TTC21B: variants seen among roughly 807,000 people sequenced by gnomAD.
The protein encoded by TTC21B is tetratricopeptide repeat protein 21B.
Under a neutral mutation model 175.1 loss-of-function variants are expected in TTC21B, and 127 were observed. That is an observed-to-expected ratio of 0.73 (90% CI 0.63 to 0.84). The LOEUF (loss-of-function observed/expected upper bound fraction) is 0.84. Ranked by LOEUF, TTC21B falls within the 40% of genes least tolerant of loss-of-function variation. TTC21B has a pLI of 0.00. For synonymous variants in TTC21B, 524 were observed against 524.5 expected, an observed-to-expected ratio of 1.00 and a Z score of 0.01; for missense variants, 1,561 against 1,558.3, an observed-to-expected ratio of 1.00 and a Z score of -0.03.
chr2:165,909,156 A>C (rs545632356), intron 18 of TTC21B, among the ~76,000 whole-genome samples: 2 of 152,290 alleles, frequency 1.3e-5, no homozygotes, highest in East Asian at 1.9e-4. Flanking sequence ...TATAAAATAA[A>C]GGAGCCAGTT....
intron 26 of TTC21B, among the ~76,000 whole-genome samples, chr2:165,881,918 A>G (rs1195316701): frequency 1.3e-5 from 2 of 152,166 alleles, no homozygotes; most frequent in Admixed American, 6.6e-5. Flanking sequence ...AAATCTCACC[A>G]GTAATATTTT....
At position 165,919,379 on chromosome 2, in the gene TTC21B, G is replaced by C. The variant is rs145436538; in HGVS notation, c.1571C>G (p.Ser524Cys). The C allele has an allele frequency of 6.2e-4, 1,000 of 1,614,088 alleles. 6 individuals are homozygous for C. In the African/African-American group the frequency reaches 0.012, roughly 19 times the overall value. Residue 524 changes from serine to cysteine, a missense_variant, in exon 13 of 29, where the codon TCT (serine) becomes TGT (cysteine). Transcript: ENST00000243344. ...TAGCAGCAGATGAGCATCAGCATAA[G>C]AGGGATTGTGTTCTAAGCAGTGCTG... ...NLQHCLEHNP[S>C]YADAHLLLAQ...
intron 11 of TTC21B, among the ~76,000 whole-genome samples, chr2:165,926,351 G>T (rs541476191): frequency 2.0e-5 from 3 of 152,208 alleles, no homozygotes; most frequent in African/African-American, 7.2e-5. Context: ...AAGCCTTTTG[G>T]TGACTCCCCA....
intron 2 of TTC21B, 24 bp downstream of exon 2, chr2:165,949,571 A>C (rs1253184774): frequency 6.2e-7 from 1 of 1,613,820 alleles, no homozygotes. Flanking sequence ...AACTGATGGA[A>C]CATGTTTAAT....
rs1686679176 is a variant in TTC21B at position 165,927,119 on chromosome 2, GA to G, written c.1386+2015del. Among the ~76,000 whole-genome samples the G allele has an allele frequency of 2.2e-3, 21 of 9,522 alleles. 2 individuals are homozygous for G. Among genetic ancestry groups the G allele is most frequent in the Admixed American group, 0.021 (20 of 970 alleles). The allele number at this position is 9,522 out of a possible 152,430, so 6.2% of individuals were successfully genotyped here. The stretch of plus-strand genomic sequence containing the variant: ...ATATATATATATATATATCCTAGTA[GA>G]TATATATATATATATATCCTAGTAG... On this transcript the variant is annotated intron_variant, in intron 11 of 28. Coordinates refer to ENST00000243344, the MANE Select transcript of TTC21B (RefSeq NM_024753.5).
chr2:165,888,414 A>G lies in TTC21B; in HGVS notation c.3324T>C (p.Leu1108=), dbSNP rs1284736114. Residue 1108 remains leucine (L), a synonymous_variant, in exon 25 of 29, where the codon CTT becomes CTC. Transcript: ENST00000243344. ...QLAVRTAEKL[L]KELKPQTVQG... The stretch of plus-strand genomic sequence containing the variant: ...GAACAGTCTGAGGTTTTAGTTCCTT[A>G]AGAAGTTTTTCTGCTGTTCTTACTG... 3 of 1,613,908 alleles carry G rather than the reference A, an allele frequency of 1.9e-6. No individual in the cohort carries two copies. In the Admixed American group the frequency reaches 5.0e-5, roughly 27 times the overall value.
intron 4 of TTC21B, among the ~76,000 whole-genome samples, chr2:165,944,036 C>T (rs1559075465): frequency 6.6e-6 from 1 of 151,936 alleles, no homozygotes; most frequent in African/African-American, 2.4e-5. Context: ...ATTTATAAAC[C>T]TTTAACTAAG....
rs79477451 is a variant in TTC21B, at chr2:165,904,623, T to A, written c.2569-2713A>T. 2.6e-5 allele frequency among the ~76,000 whole-genome samples: 4 copies of A among 152,326 alleles called. No homozygotes were observed. The East Asian group carries it at 7.7e-4, about 29-fold the overall frequency. On this transcript the variant is annotated intron_variant, in intron 19 of 28. Coordinates refer to ENST00000243344, the MANE Select transcript of TTC21B (RefSeq NM_024753.5). ...AAGGGTTAGGACTGAGGCATCTGCATTCCACTTCAAACTCTTCTAGTAACC... is the reference window on the plus strand; with the variant it reads ...AAGGGTTAGGACTGAGGCATCTGCAATCCACTTCAAACTCTTCTAGTAACC...
intron 26 of TTC21B, among the ~76,000 whole-genome samples, chr2:165,882,291 A>C (rs1392078880): frequency 2.0e-5 from 3 of 152,204 alleles, no homozygotes; most frequent in African/African-American, 7.2e-5. Flanking sequence ...CCAATTCTGT[A>C]CAGAAAAGGC....
chr2:165,906,556 A>G (rs1685741214), intron 19 of TTC21B, among the ~76,000 whole-genome samples: 1 of 152,168 alleles, frequency 6.6e-6, no homozygotes, highest in South Asian at 2.1e-4. Context: ...CCAAATTGAT[A>G]TAAGAAACAA....
At chr2:165,931,608 C>G in intron 8 of TTC21B, 150 bp downstream of exon 8, 1 of 705,012 alleles carries the variant, frequency 1.4e-6, no homozygotes, top group Non-Finnish European at 2.5e-6. Context: ...ACCACACCTC[C>G]TCTAAACTGC....
rs1685679103 is a variant in TTC21B at position 165,904,897 on chromosome 2, T to G, written c.2568+2781A>C. On this transcript the variant is annotated intron_variant, in intron 19 of 28. Coordinates refer to ENST00000243344, the MANE Select transcript of TTC21B (RefSeq NM_024753.5). Reference sequence around the variant, plus strand: ...CAAAACAAACCAATATTATGGATCCTATCTGGGGAACAGTAAAGTGCCTCC... The same window carrying G: ...CAAAACAAACCAATATTATGGATCCGATCTGGGGAACAGTAAAGTGCCTCC... 2.0e-5 allele frequency among the ~76,000 whole-genome samples: 3 copies of G among 152,150 alleles called. No individual in the cohort carries two copies. The South Asian group carries it at 6.2e-4, about 32-fold the overall frequency.
At chr2:165,949,901 C>G (rs1389775429) in intron 1 of TTC21B, 177 bp from the exon 2 acceptor site, 1 of 561,594 alleles carries the variant, frequency 1.8e-6, no homozygotes, top group Non-Finnish European at 3.1e-6. Flanking sequence ...GATTGCAGAA[C>G]TGAATGATCA....
In TTC21B at chr2:165,874,704, G is replaced by A; in HGVS notation, c.*51C>T. On this transcript the variant is annotated 3_prime_UTR_variant, in exon 29 of 29. Coordinates refer to ENST00000243344, the MANE Select transcript of TTC21B (RefSeq NM_024753.5). Reference sequence around the variant, plus strand: ...CTGTTTTGAACAGGAAGAACTGAAAGTTAGATTTCTTTCATTTCCTGTTAA... The same window carrying A: ...CTGTTTTGAACAGGAAGAACTGAAAATTAGATTTCTTTCATTTCCTGTTAA... The A allele has an allele frequency of 6.5e-7, 1 of 1,529,446 alleles. No homozygotes were observed. Among genetic ancestry groups the A allele is most frequent in the South Asian group, 1.1e-5 (1 of 89,262 alleles). 94.7% of individuals were successfully genotyped at this position (1,529,446 alleles called of 1,614,324 possible).
chr2:165,874,149 C>T lies in TTC21B; in HGVS notation c.*606G>A, dbSNP rs910744541. On this transcript the variant is annotated 3_prime_UTR_variant, in exon 29 of 29. Transcript: ENST00000243344. ...ATCACAAGGTCAAGAGATCAAGCCC[C>T]TCCTGGCTAACACGGTGAAATCCCA... 1.6e-4 allele frequency: 25 copies of T among 152,154 alleles called. No individual in the cohort carries two copies. The highest frequency in any genetic ancestry group is 6.0e-4 in the African/African-American group (25 of 41,390). The allele number at this position is 152,154 out of a possible 1,614,324, so 9.4% of individuals were successfully genotyped here.
chr2:165,906,922 T>C (rs1685755622), intron 19 of TTC21B, among the ~76,000 whole-genome samples: 1 of 118,956 alleles, frequency 8.4e-6, no homozygotes, highest in Non-Finnish European at 1.6e-5. Flanking sequence ...GCCATTACAC[T>C]CCAGCCTGGG....
intron 15 of TTC21B, among the ~76,000 whole-genome samples, chr2:165,913,895 T>G (rs563878876): frequency 6.6e-6 from 1 of 152,166 alleles, no homozygotes; most frequent in African/African-American, 2.4e-5. Context: ...TTCAGATAGA[T>G]AGTAAATATC....
In TTC21B at chr2:165,919,397, C is replaced by A. The variant is rs1307655752; in HGVS notation, c.1553G>T (p.Cys518Phe). 2 of 1,613,962 alleles carry A rather than the reference C, an allele frequency of 1.2e-6. No individual in the cohort carries two copies. Among genetic ancestry groups the A allele is most frequent in the Admixed American group, 3.3e-5 (2 of 60,004 alleles). ...AGCATAAGAGGGATTGTGTTCTAAG[C>A]AGTGCTGAAGGTTATTGAAAGCTGC... is the stretch of plus-strand genomic sequence containing the variant. ...IEAAFNNLQHCLEHNPSYADA... is the reference protein window; with the variant it reads ...IEAAFNNLQHFLEHNPSYADA... The change falls in exon 13 of 29, where the codon TGC (cysteine) becomes TTC (phenylalanine). Residue 518 changes from cysteine to phenylalanine, a missense_variant. Transcript: ENST00000243344.
At position 165,945,804 on chromosome 2, in the gene TTC21B, A is replaced by G. The variant is rs968194438; in HGVS notation, c.263-114T>C. 6 of 966,580 alleles carry G rather than the reference A, an allele frequency of 6.2e-6. No homozygotes were observed. In the Admixed American group the frequency reaches 1.7e-4, roughly 27 times the overall value. 59.9% of individuals were successfully genotyped at this position (966,580 alleles called of 1,614,324 possible). The stretch of plus-strand genomic sequence containing the variant: ...CTTCTCTCTATAGTGGTACTGTCTA[A>G]TAGAAATAAAATGCAAGCCATATAT... On this transcript the variant is annotated intron_variant, in intron 3 of 28. Transcript: ENST00000243344.
Sources: allele counts gnomAD v4.1 joint callset (sites outside exome capture counted in the v4.1 genomes callset), GRCh38; gene constraint gnomAD v4.1.1; transcripts MANE v1.5; gene names NCBI Gene and HGNC (gene_info 2026-07-23, HGNC 2026-07-21).